The following MYL11 variants were observed in gnomAD, a reference collection of about 807,000 sequenced individuals.
The protein encoded by MYL11 is myosin light chain 11, also known as myosin regulatory light chain 11.
At chr16:30,376,291 C>T in the MYL11 span, 34 of 1,569,200 alleles carry the variant, frequency 2.2e-5, no homozygotes, top group Non-Finnish European at 3.0e-5. Flanking sequence ...CCTTGGGTTC[C>T]AGCCCTGTCA....
the MYL11 span, chr16:30,377,750 GGGGAGACTAA>G: frequency 3.8e-6 from 6 of 1,592,836 alleles, no homozygotes; most frequent in Non-Finnish European, 5.2e-6. Context: ...GGCTGGGGCC[GGGGAGACTAA>G]GGGCCTGTGC....
At chr16:30,373,307 A>G in the MYL11 span, among the ~76,000 whole-genome samples, 1 of 151,728 alleles carries the variant, frequency 6.6e-6, no homozygotes, top group East Asian at 1.9e-4. Context: ...AAATACAAAA[A>G]ATTAGATGCC....
chr16:30,375,730 G>T, the MYL11 span: 2 of 1,080,508 alleles, frequency 1.9e-6, no homozygotes, highest in South Asian at 2.9e-5. Context: ...TAGGAACAGG[G>T]ACTCGAAGAA....
At chr16:30,374,446 C>T in the MYL11 span, among the ~76,000 whole-genome samples, 3 of 152,158 alleles carry the variant, frequency 2.0e-5, no homozygotes, top group East Asian at 3.9e-4. Flanking sequence ...TGCACCCAGA[C>T]GTTTACTGGG....
At chr16:30,371,605 A>C in the MYL11 span, among the ~76,000 whole-genome samples, 36 of 152,250 alleles carry the variant, frequency 2.4e-4, no homozygotes, top group Admixed American at 8.5e-4. Flanking sequence ...CCCAGGCTCC[A>C]GTTCCTCAGA....
At chr16:30,373,469 G>A in the MYL11 span, among the ~76,000 whole-genome samples, 3 of 152,050 alleles carry the variant, frequency 2.0e-5, no homozygotes, top group East Asian at 1.9e-4. Context: ...GGTGACACGC[G>A]CCTGTAGTCC....
chr16:30,376,027 T>A, the MYL11 span: 2 of 1,475,624 alleles, frequency 1.4e-6, no homozygotes, highest in Non-Finnish European at 1.9e-6. Context: ...CTTCCTCCCC[T>A]CTCTGCTTGG....
chr16:30,376,716 C>A, the MYL11 span: 15 of 1,609,964 alleles, frequency 9.3e-6, no homozygotes, highest in Admixed American at 5.0e-5. Flanking sequence ...TCGGCTCCCC[C>A]ACCCTTCCGA....
the MYL11 span, among the ~76,000 whole-genome samples, chr16:30,371,394 G>T: frequency 2.6e-5 from 4 of 152,226 alleles, no homozygotes; most frequent in South Asian, 8.3e-4. Context: ...CCAGTGCCCT[G>T]ACCCAGTACT....
the MYL11 span, chr16:30,374,796 C>G: frequency 6.2e-7 from 1 of 1,603,468 alleles, no homozygotes. Context: ...GGGACTGCCC[C>G]ATGCTGACTC....
chr16:30,376,885 C>G, the MYL11 span, among the ~76,000 whole-genome samples: 2 of 152,218 alleles, frequency 1.3e-5, no homozygotes, highest in East Asian at 1.9e-4. Context: ...CTGGATAACA[C>G]AGCATGACCC....
At chr16:30,371,617 C>T in the MYL11 span, among the ~76,000 whole-genome samples, 14 of 152,144 alleles carry the variant, frequency 9.2e-5, no homozygotes, top group Non-Finnish European at 1.6e-4. Context: ...TTCCTCAGAC[C>T]TTATCCCTCT....
At chr16:30,372,769 AG>A in the MYL11 span, 1 of 148,698 alleles carries the variant, frequency 6.7e-6, no homozygotes, top group East Asian at 2.0e-4. Context: ...AACCTTTCCA[AG>A]GTTCCCCAGG....
the MYL11 span, among the ~76,000 whole-genome samples, chr16:30,375,192 G>A: frequency 6.6e-6 from 1 of 152,178 alleles, no homozygotes. Context: ...CAGGCCAGGT[G>A]CTGTGGTTCA....
At chr16:30,376,179 T>G in the MYL11 span, 9 of 1,614,026 alleles carry the variant, frequency 5.6e-6, no homozygotes, top group South Asian at 9.9e-5. Flanking sequence ...CGTGATGGTA[T>G]TATAGACAAG....
chr16:30,376,338 T>C, the MYL11 span: 16 of 1,546,102 alleles, frequency 1.0e-5, no homozygotes, highest in African/African-American at 2.1e-4. Flanking sequence ...AGCTGAAAAA[T>C]GAATGGGATC....
chr16:30,373,527 C>A, the MYL11 span, among the ~76,000 whole-genome samples: 10 of 150,510 alleles, frequency 6.6e-5, no homozygotes, highest in Non-Finnish European at 1.3e-4. Flanking sequence ...ACCCGGGAGG[C>A]GGAGGTTACA....
the MYL11 span, chr16:30,372,177 T>C: frequency 6.6e-6 from 1 of 152,444 alleles, no homozygotes; most frequent in Non-Finnish European, 1.5e-5. Context: ...CAGTAATAAG[T>C]GGGCTCCTCC....
chr16:30,374,787 G>A, the MYL11 span: 6 of 1,590,310 alleles, frequency 3.8e-6, no homozygotes, highest in Non-Finnish European at 8.6e-7. Flanking sequence ...AACCCCAGAG[G>A]GACTGCCCCA....
Sources: allele counts gnomAD v4.1 joint callset (sites outside exome capture counted in the v4.1 genomes callset), GRCh38; gene constraint gnomAD v4.1.1; transcripts MANE v1.5; gene names NCBI Gene and HGNC (gene_info 2026-07-23, HGNC 2026-07-21).